Variants in USP25 observed in about 807,000 individuals in gnomAD.
USP25 encodes the protein ubiquitin specific peptidase 25.
In USP25, 85 loss-of-function variants were observed where a neutral mutation model predicts 158.5. The ratio of observed to expected loss-of-function variants is 0.54; its 90% CI spans 0.45 to 0.64. The LOEUF is 0.64. Among genes scored for constraint, USP25 ranks in the 30% least tolerant of loss-of-function variants. The probability of loss-of-function intolerance (pLI) is 0.00; values close to 1 mark genes in which losing one functional copy is unlikely to be tolerated. For missense variants in USP25, 1,242 were observed against 1,327.3 expected (o/e 0.94, Z 1.00); for synonymous variants, 464 against 460.4 (o/e 1.01, Z -0.10).
chr21:15,864,596 G>A, intron 21 of USP25, 150 bp downstream of exon 21: 1 of 694,354 alleles, frequency 1.4e-6, no homozygotes, highest in Non-Finnish European at 2.2e-6. Flanking sequence ...AATGTGACTA[G>A]TTGCTGGAGT....
chr21:15,783,397 T>C (rs1483769232), intron 4 of USP25, among the ~76,000 whole-genome samples: 2 of 152,180 alleles, frequency 1.3e-5, no homozygotes, highest in Admixed American at 6.5e-5. Context: ...TTGGAAGTTA[T>C]GGACATCTAG....
intron 3 of USP25, among the ~76,000 whole-genome samples, chr21:15,769,944 ACT>A (rs902981082): frequency 4.6e-5 from 7 of 151,738 alleles, no homozygotes; most frequent in African/African-American, 1.5e-4. Context: ...AGGTGGTAAG[ACT>A]CTTCAAAAAT....
At position 15,791,661 on chromosome 21, in the gene USP25, T is replaced by G; in HGVS notation, c.552T>G (p.Ile184Met). The G allele has an allele frequency of 6.2e-7, 1 of 1,606,468 alleles. No individual in the cohort carries two copies. Among genetic ancestry groups the G allele is most frequent in the Non-Finnish European group, 8.5e-7 (1 of 1,176,378 alleles). The change falls in exon 5 of 26, where the codon ATT (isoleucine) becomes ATG (methionine). Residue 184 changes from isoleucine (I) to methionine (M), a missense_variant. Ile to Met is a conservative substitution (Grantham distance 10, BLOSUM62 1). Around this residue, in one of 3 missense-constraint regions of USP25, gnomAD observed 627 missense variants for 701.4 expected, o/e 0.89. Transcript: ENST00000400183. The stretch of plus-strand genomic sequence containing the variant: ...ATACTTGTTGGTTTAGTGCTGTTAT[T>G]CAGGTAAGGATTTTTCTTTATTCAG... ...VGNTCWFSAVIQSLFNLLEFR... is the reference protein window; with the variant it reads ...VGNTCWFSAVMQSLFNLLEFR...
At chr21:15,758,155 T>C (rs1299789342) in intron 1 of USP25, among the ~76,000 whole-genome samples, 1 of 152,178 alleles carries the variant, frequency 6.6e-6, no homozygotes, top group Non-Finnish European at 1.5e-5. Flanking sequence ...CCTGGACATC[T>C]TCATTATTAG....
Position 15,877,826 on chromosome 21 carries a change from G to A in USP25, c.3040G>A (p.Glu1014Lys), listed in dbSNP as rs758225327. ...AAATGAGCAAGCCGCAGAACTCTTCGAATCTGGAGAGGATCGAGAAGTAAA... is the reference window on the plus strand; with the variant it reads ...AAATGAGCAAGCCGCAGAACTCTTCAAATCTGGAGAGGATCGAGAAGTAAA... ...KLNEQAAELF[E>K]SGEDREVNNG... The change falls in exon 25 of 26, where the codon GAA becomes AAA. Residue 1014 changes from glutamate (E) to lysine (K), a missense_variant. By Grantham distance (56) the Glu-to-Lys change is moderately conservative. Coordinates refer to ENST00000400183, the MANE Select transcript of USP25 (RefSeq NM_001283041.3). 50 of 1,611,450 alleles carry A rather than the reference G, an allele frequency of 3.1e-5. No homozygotes were observed. The highest frequency in any genetic ancestry group is 1.7e-4 in the Middle Eastern group (1 of 6,016).
At chr21:15,796,083 A>G (rs138021168) in intron 5 of USP25, among the ~76,000 whole-genome samples, 363 of 151,686 alleles carry the variant, frequency 2.4e-3, no homozygotes, top group African/African-American at 8.3e-3. Flanking sequence ...CAAAATTCAC[A>G]TATTAGCTTT....
In USP25 at chr21:15,878,296, T is replaced by C; in HGVS notation, c.3206-7T>C. ...CTTTAGTTAGATTTAATTGTTTGTA[T>C]TTGCAGCACACCTCCAAGAAAAGCT... On this transcript the variant is annotated splice_region_variant and splice_polypyrimidine_tract_variant and intron_variant, in intron 25 of 25. Transcript: ENST00000400183. 2 of 1,608,188 alleles carry C rather than the reference T, an allele frequency of 1.2e-6. No homozygotes were observed. The highest frequency in any genetic ancestry group is 1.7e-6 in the Non-Finnish European group (2 of 1,177,174).
At chr21:15,746,256 G>A (rs1568752704) in intron 1 of USP25, among the ~76,000 whole-genome samples, 1 of 152,116 alleles carries the variant, frequency 6.6e-6, no homozygotes, top group African/African-American at 2.4e-5. Flanking sequence ...GATTGTGTTG[G>A]ATGTATGGAT....
At chr21:15,812,429 A>G (rs932677981) in intron 9 of USP25, among the ~76,000 whole-genome samples, 6 of 152,112 alleles carry the variant, frequency 3.9e-5, no homozygotes, top group Non-Finnish European at 7.4e-5. Context: ...CTGGTGGATC[A>G]TGAGGTCAGG....
chr21:15,755,140 G>A (rs1180697990), intron 1 of USP25, among the ~76,000 whole-genome samples: 1 of 152,008 alleles, frequency 6.6e-6, no homozygotes, highest in Admixed American at 6.5e-5. Context: ...AATGTCTTTG[G>A]AGTTTCTATC....
intron 9 of USP25, among the ~76,000 whole-genome samples, chr21:15,813,457 C>A (rs2036775813): frequency 6.6e-6 from 1 of 152,122 alleles, no homozygotes; most frequent in Non-Finnish European, 1.5e-5. Flanking sequence ...TAACCTAGAT[C>A]TATCACTACC....
chr21:15,855,862 A>G (rs2039111750), intron 20 of USP25, among the ~76,000 whole-genome samples: 2 of 152,234 alleles, frequency 1.3e-5, no homozygotes, highest in African/African-American at 4.8e-5. Context: ...CTGGACTTCT[A>G]ACAACATACG....
At chr21:15,851,453 C>A (rs2038883293) in intron 20 of USP25, among the ~76,000 whole-genome samples, 2 of 151,762 alleles carry the variant, frequency 1.3e-5, no homozygotes, top group African/African-American at 4.8e-5. Context: ...AGCTCTCTTT[C>A]TTTTCCTGCG....
intron 15 of USP25, 60 bp from the exon 16 acceptor site, chr21:15,831,341 G>A (rs2146389380): frequency 1.3e-6 from 2 of 1,495,284 alleles, no homozygotes; most frequent in East Asian, 2.3e-5. Flanking sequence ...GGGTTTCATG[G>A]AATGTGGTAT....
At chr21:15,754,993 A>T (rs2033281561) in intron 1 of USP25, among the ~76,000 whole-genome samples, 1 of 152,212 alleles carries the variant, frequency 6.6e-6, no homozygotes, top group Admixed American at 6.5e-5. Flanking sequence ...AGGTAGATGC[A>T]GAGGTTTTTG....
intron 17 of USP25, among the ~76,000 whole-genome samples, chr21:15,838,219 C>G (rs1454335220): frequency 6.6e-6 from 1 of 151,574 alleles, no homozygotes. Context: ...ATGAAGCCAC[C>G]ATGCCAGGCC....
At chr21:15,818,652 G>C (rs190372333) in intron 9 of USP25, 46 bp from the exon 10 acceptor site, 142 of 1,520,896 alleles carry the variant, frequency 9.3e-5, no homozygotes, top group Non-Finnish European at 1.2e-4. Flanking sequence ...AATTTTAGTA[G>C]CCAGAAGGCC....
chr21:15,870,327 C>A (rs1391538498), intron 23 of USP25, among the ~76,000 whole-genome samples, 180 bp downstream of exon 23: 1 of 152,108 alleles, frequency 6.6e-6, no homozygotes, highest in African/African-American at 2.4e-5. Flanking sequence ...TTCCCATATA[C>A]CCCACATAAA....
At chr21:15,741,150 A>C (rs1421285283) in intron 1 of USP25, among the ~76,000 whole-genome samples, 1 of 151,242 alleles carries the variant, frequency 6.6e-6, no homozygotes, top group African/African-American at 2.4e-5. Flanking sequence ...TTTTTCTCGC[A>C]TCTGACTGCT....
Sources: gnomAD v4.1 joint callset for allele counts (sites outside exome capture counted in the v4.1 genomes callset) on GRCh38, gnomAD v4.1.1 for gene constraint, gnomAD v4.1.1 regional missense constraint, MANE v1.5 for transcripts, NCBI Gene and HGNC (gene_info 2026-07-23, HGNC 2026-07-21) for gene names.